The following BIRC6 variants were observed in gnomAD, a reference collection of about 807,000 sequenced individuals.
The protein encoded by BIRC6 is baculoviral IAP repeat containing 6.
A neutral mutation model predicts 503.3 loss-of-function variants in BIRC6; 98 were observed. The ratio of observed to expected loss-of-function variants is 0.19; its 90% CI spans 0.17 to 0.23. BIRC6 has a LOEUF of 0.23. Among genes scored for constraint, BIRC6 ranks in the 10% least tolerant of loss-of-function variants. The probability of loss-of-function intolerance (pLI) is 1.00; values close to 1 mark genes in which losing one functional copy is unlikely to be tolerated. For missense variants in BIRC6, 5,360 were observed against 5,806.0 expected, an observed-to-expected ratio of 0.92 and a Z score of 2.50; for synonymous variants, 2,240 against 2,078.7, an observed-to-expected ratio of 1.08 and a Z score of -2.11.
At chr2:32,466,116 G>A (rs1004113878) in intron 26 of BIRC6, among the ~76,000 whole-genome samples, 2 of 151,960 alleles carry the variant, frequency 1.3e-5, no homozygotes, top group Non-Finnish European at 2.9e-5. Context: ...TTCTTGTTAG[G>A]GAAGTATTAG....
Position 32,431,025 on chromosome 2 carries a change from T to C in BIRC6, c.3183T>C (p.His1061=), listed in dbSNP as rs2044038985. Residue 1061 remains histidine (H), a synonymous_variant, in exon 12 of 74, where the codon CAT becomes CAC. Transcript: ENST00000421745. ...AGCAGCAAAGGAGGCATCCTCAACA[T>C]TTGCATCAGCAACACCATGGTGATG... is the stretch of plus-strand genomic sequence containing the variant. ...QEQQQRRHPQ[H]LHQQHHGDAA... 1 of 1,613,282 alleles carries C rather than the reference T, an allele frequency of 6.2e-7. No individual in the cohort carries two copies. Among genetic ancestry groups the C allele is most frequent in the South Asian group, 1.1e-5 (1 of 91,062 alleles).
At chr2:32,443,684 A>C (rs1405447898) in intron 20 of BIRC6, 96 bp downstream of exon 20, 4 of 982,390 alleles carry the variant, frequency 4.1e-6, no homozygotes, top group Non-Finnish European at 5.9e-6. Context: ...TTCTCTATTA[A>C]AGTTCACTTT....
chr2:32,477,612 G>T (rs1021261700), intron 35 of BIRC6, 29 bp downstream of exon 35: 23 of 1,578,118 alleles, frequency 1.5e-5, no homozygotes, highest in Non-Finnish European at 1.9e-5. Flanking sequence ...TAGACTTACA[G>T]GGTTGGCCGG....
chr2:32,433,783 C>T lies in BIRC6; in HGVS notation c.3388C>T (p.Pro1130Ser). The change falls in exon 13 of 74, where the codon CCA becomes TCA. Residue 1130 changes from proline to serine, a missense_variant. Physicochemically the swap from Pro to Ser is moderately conservative, Grantham distance 74. Around this residue, in one of 16 missense-constraint regions of BIRC6, gnomAD observed 2,299 missense variants for 2,267.2 expected, o/e 1.01. Transcript: ENST00000421745. The part of the protein sequence containing the change: ...IQVTLLKNKA[P>S]GLGKVNALNI... ...AGTGACACTGCTGAAAAATAAAGCT[C>T]CAGGATTAGGGAAAGTCAATGGTAA... is the stretch of plus-strand genomic sequence containing the variant. 1.3e-6 allele frequency: 2 copies of T among 1,574,902 alleles called. No individual in the cohort carries two copies. Among genetic ancestry groups the T allele is most frequent in the Non-Finnish European group, 1.7e-6 (2 of 1,151,322 alleles).
chr2:32,444,752 TAAAC>T (rs753067152), intron 20 of BIRC6, among the ~76,000 whole-genome samples: 15 of 152,270 alleles, frequency 9.9e-5, no homozygotes, highest in Middle Eastern at 3.4e-3. Flanking sequence ...ATCTTTGTGT[TAAAC>T]AAAAAAAATG....
At chr2:32,434,722 C>T (rs1400510671) in intron 13 of BIRC6, among the ~76,000 whole-genome samples, 1 of 151,796 alleles carries the variant, frequency 6.6e-6, no homozygotes, top group African/African-American at 2.4e-5. Context: ...TAGTGGTGCA[C>T]ACCTGTGGTG....
chr2:32,422,389 G>A (rs2043038052), intron 10 of BIRC6, among the ~76,000 whole-genome samples: 2 of 151,764 alleles, frequency 1.3e-5, no homozygotes, highest in Admixed American at 1.3e-4. Flanking sequence ...AATATTTTTA[G>A]TGTGCCATTT....
chr2:32,600,018 T>A, intron 70 of BIRC6, 118 bp downstream of exon 70: 1 of 899,132 alleles, frequency 1.1e-6, no homozygotes, highest in Admixed American at 2.7e-5. Context: ...TTCTTTGTAC[T>A]TCTCTTCCCT....
chr2:32,537,267 G>T (rs1205986430), intron 61 of BIRC6, among the ~76,000 whole-genome samples: 1 of 152,076 alleles, frequency 6.6e-6, no homozygotes, highest in African/African-American at 2.4e-5. Context: ...ATTGAACTCA[G>T]CTCTGCACCA....
chr2:32,440,571 G>A (rs924371123), intron 16 of BIRC6, among the ~76,000 whole-genome samples: 3 of 151,864 alleles, frequency 2.0e-5, no homozygotes, highest in Non-Finnish European at 4.4e-5. Context: ...ATATATATAG[G>A]TCTTCCAGTT....
intron 66 of BIRC6, among the ~76,000 whole-genome samples, chr2:32,593,554 T>C (rs1411222030): frequency 6.6e-6 from 1 of 152,138 alleles, no homozygotes; most frequent in Non-Finnish European, 1.5e-5. Flanking sequence ...ATACAAATAG[T>C]ATTAAAATTT....
At position 32,549,460 on chromosome 2, in the gene BIRC6, T is replaced by G; in HGVS notation, c.13123T>G (p.Ser4375Ala). The change falls in exon 65 of 74, where the codon TCT becomes GCT. Residue 4375 changes from serine to alanine, a missense_variant. By Grantham distance (99) the Ser-to-Ala change is moderately conservative. This residue lies in a region of BIRC6 where 477 missense variants were observed against 574.4 expected (regional missense o/e 0.83). Coordinates refer to ENST00000421745, the MANE Select transcript of BIRC6 (RefSeq NM_016252.4). ...SQSCLIPAMS[S>A]YLRNDSVLDM... is the part of the protein sequence containing the mutation. ...GTCCTGCCTCATCCCAGCCATGTCA[T>G]CTTATCTACGAAATGATTCAGGTAA... is the stretch of plus-strand genomic sequence containing the variant. The G allele has an allele frequency of 6.9e-7, 1 of 1,448,752 alleles. No homozygotes were observed. Among genetic ancestry groups the G allele is most frequent in the Non-Finnish European group, 9.3e-7 (1 of 1,079,720 alleles). 89.7% of individuals were successfully genotyped at this position (1,448,752 alleles called of 1,614,324 possible).
At chr2:32,490,180 C>A in intron 43 of BIRC6, 29 bp downstream of exon 43, 1 of 1,487,780 alleles carries the variant, frequency 6.7e-7, no homozygotes, top group Non-Finnish European at 9.4e-7. Flanking sequence ...TCATTTAAAT[C>A]TCTGACATAT....
chr2:32,380,385 T>G, intron 3 of BIRC6, 95 bp downstream of exon 3: 1 of 1,394,516 alleles, frequency 7.2e-7, no homozygotes, highest in Non-Finnish European at 9.4e-7. Flanking sequence ...GGAAATGTTC[T>G]AATTCTAGAT....
rs560251664 is a variant in BIRC6 at position 32,480,621 on chromosome 2, C to CTTTTTTTTTTTTT, written c.7409-674_7409-662dup. Among the ~76,000 whole-genome samples the CTTTTTTTTTTTTT allele has an allele frequency of 5.3e-4, 32 of 60,740 alleles. 2 individuals are homozygous for CTTTTTTTTTTTTT. The highest frequency in any genetic ancestry group is 2.2e-3 in the South Asian group (3 of 1,378). The allele number at this position is 60,740 out of a possible 152,430, so 39.8% of individuals were successfully genotyped here. ...CATAACAGAAAAATAAGGTAAATGGCTTTTTTTTTTTTTTTTTTTTTTTTT... is the reference window on the plus strand; with the variant it reads ...CATAACAGAAAAATAAGGTAAATGGCTTTTTTTTTTTTTTTTTTTTTTTTTTTTTTTTTTTTTT... On this transcript the variant is annotated intron_variant, in intron 37 of 73. Coordinates refer to ENST00000421745, the MANE Select transcript of BIRC6 (RefSeq NM_016252.4).
intron 5 of BIRC6, among the ~76,000 whole-genome samples, chr2:32,393,401 G>A (rs1199268166): frequency 6.6e-6 from 1 of 152,148 alleles, no homozygotes; most frequent in African/African-American, 2.4e-5. Flanking sequence ...TATTTAATAG[G>A]AAACTTAAAC....
At position 32,414,929 on chromosome 2, in the gene BIRC6, C is replaced by G. The variant is rs1468612292; in HGVS notation, c.1638C>G (p.Asn546Lys). 1.9e-6 allele frequency: 3 copies of G among 1,613,928 alleles called. No individual in the cohort carries two copies. Among genetic ancestry groups the G allele is most frequent in the South Asian group, 2.2e-5 (2 of 91,076 alleles). The change falls in exon 10 of 74, where the codon AAC becomes AAG. Residue 546 changes from asparagine (N) to lysine (K), a missense_variant. Physicochemically the swap from Asn to Lys is moderately conservative, Grantham distance 94. Coordinates refer to ENST00000421745, the MANE Select transcript of BIRC6 (RefSeq NM_016252.4). ...EELGANPCLT[N>K]SKSEKTKEKH... ...TTGGGGCAAATCCTTGTTTAACAAA[C>G]TCTAAGAGTGAAAAGACAAAGGAAA...
chr2:32,604,552 A>G (rs2062300167), intron 71 of BIRC6, among the ~76,000 whole-genome samples: 1 of 152,268 alleles, frequency 6.6e-6, no homozygotes, highest in Admixed American at 6.5e-5. Context: ...CCCATGTCAT[A>G]AAGTATTTTT....
At chr2:32,550,286 G>A (rs969033012) in intron 65 of BIRC6, among the ~76,000 whole-genome samples, 1 of 152,142 alleles carries the variant, frequency 6.6e-6, no homozygotes, top group Non-Finnish European at 1.5e-5. Flanking sequence ...CTATTTTGTG[G>A]TTGGTAGCAG....
Sources: allele counts gnomAD v4.1 joint callset (sites outside exome capture counted in the v4.1 genomes callset), GRCh38; gene constraint gnomAD v4.1.1; regional missense constraint gnomAD v4.1.1; transcripts MANE v1.5; gene names NCBI Gene and HGNC (gene_info 2026-07-23, HGNC 2026-07-21).